The following TASP1 variants were observed in gnomAD, a reference collection of about 807,000 sequenced individuals.
TASP1 encodes threonine aspartase 1.
TASP1 carries 16 observed loss-of-function variants against 56.6 expected under a neutral mutation model. The observed-to-expected ratio is 0.28, with a 90% confidence interval of 0.19 to 0.43. TASP1 has a LOEUF of 0.43. Among genes scored for constraint, TASP1 ranks in the 20% least tolerant of loss-of-function variants. TASP1 has a pLI of 1.00. For synonymous variants in TASP1, 179 were observed against 184.2 expected (o/e 0.97, Z 0.23); for missense variants, 393 against 511.6 (o/e 0.77, Z 2.24).
At chr20:13,292,368 G>A in the TASP1 span, 3 of 1,584,966 alleles carry the variant, frequency 1.9e-6, no homozygotes, top group Non-Finnish European at 2.6e-6. Flanking sequence ...TCTTGTCTGT[G>A]TTTAGGAATT....
the TASP1 span, chr20:13,299,306 C>T: frequency 3.7e-6 from 6 of 1,613,620 alleles, no homozygotes; most frequent in Admixed American, 1.0e-4. The surrounding 1 kb of genome is among the most constrained non-coding windows in gnomAD (Gnocchi z 5.8). Context: ...CCGCGGAGCT[C>T]CACTACAAGG....
At chr20:13,149,692 T>C in the TASP1 span, among the ~76,000 whole-genome samples, 2 of 152,192 alleles carry the variant, frequency 1.3e-5, no homozygotes, top group African/African-American at 4.8e-5. Flanking sequence ...AAACATTTAG[T>C]TCTTAGGAGT....
At chr20:13,132,329 G>A in the TASP1 span, among the ~76,000 whole-genome samples, 17,269 of 151,340 alleles carry the variant, frequency 0.11, 1,100 homozygotes, top group East Asian at 0.2. Flanking sequence ...GGAACCCACC[G>A]CCACGCCCAG....
At chr20:13,496,859 A>C (rs906929296) in intron 10 of TASP1, among the ~76,000 whole-genome samples, 4 of 152,230 alleles carry the variant, frequency 2.6e-5, no homozygotes, top group Non-Finnish European at 5.9e-5. Flanking sequence ...GAAAATGCAC[A>C]AATATCTCAA....
chr20:13,347,454 T>C, the TASP1 span, among the ~76,000 whole-genome samples: 1 of 152,244 alleles, frequency 6.6e-6, no homozygotes, highest in African/African-American at 2.4e-5. Context: ...ACCACGTCTC[T>C]TCTTTCTGGT....
At chr20:13,366,128 T>A in the TASP1 span, among the ~76,000 whole-genome samples, 2 of 152,150 alleles carry the variant, frequency 1.3e-5, no homozygotes, top group African/African-American at 4.8e-5. Context: ...TTGGAATATG[T>A]TTTGGACATA....
At chr20:13,182,629 A>C in the TASP1 span, among the ~76,000 whole-genome samples, 1 of 152,150 alleles carries the variant, frequency 6.6e-6, no homozygotes, top group African/African-American at 2.4e-5. Flanking sequence ...CAATTGTTAA[A>C]CATGTAAAAT....
the TASP1 span, among the ~76,000 whole-genome samples, chr20:13,294,740 T>C: frequency 3.9e-5 from 6 of 152,154 alleles, no homozygotes; most frequent in Non-Finnish European, 7.3e-5. Flanking sequence ...AGCCACAGCC[T>C]ATCCCAGCTG....
chr20:13,254,265 T>C, the TASP1 span, among the ~76,000 whole-genome samples: 1 of 150,832 alleles, frequency 6.6e-6, no homozygotes, highest in East Asian at 1.9e-4. Context: ...AAAGCAAATG[T>C]GTATTTATAT....
intron 10 of TASP1, among the ~76,000 whole-genome samples, chr20:13,484,808 G>A (rs560756852): frequency 2.0e-5 from 3 of 151,298 alleles, no homozygotes; most frequent in African/African-American, 7.3e-5. Context: ...CCATAAAAAC[G>A]GATGAGTTCA....
At chr20:13,631,975 C>G (rs1401661116) in intron 1 of TASP1, among the ~76,000 whole-genome samples, 2 of 151,786 alleles carry the variant, frequency 1.3e-5, no homozygotes, top group African/African-American at 4.8e-5. Flanking sequence ...TTCCTTGAAC[C>G]CAGGAGGTGG....
chr20:13,413,614 G>A (rs567157799), intron 13 of TASP1, among the ~76,000 whole-genome samples: 1 of 152,130 alleles, frequency 6.6e-6, no homozygotes, highest in Non-Finnish European at 1.5e-5. Flanking sequence ...ATCCAATGCA[G>A]ACTTGGTTAT....
chr20:13,285,051 C>A, the TASP1 span, among the ~76,000 whole-genome samples: 1 of 152,188 alleles, frequency 6.6e-6, no homozygotes, highest in African/African-American at 2.4e-5. Context: ...CTTTGGGAGG[C>A]CAAGGCAGGA....
At chr20:13,239,727 A>C in the TASP1 span, 1 of 152,314 alleles carries the variant, frequency 6.6e-6, no homozygotes, top group Non-Finnish European at 1.5e-5. Flanking sequence ...AAATTCTAGA[A>C]TGTTGTTGTA....
At chr20:13,629,810 G>C (rs1190584055) in intron 2 of TASP1, 124 bp downstream of exon 2, 3 of 1,415,986 alleles carry the variant, frequency 2.1e-6, no homozygotes, top group Non-Finnish European at 2.9e-6. Context: ...CAATCGCTTT[G>C]CTTCCAATTC....
At chr20:13,427,329 G>C (rs2146131115) in intron 12 of TASP1, among the ~76,000 whole-genome samples, 1 of 152,238 alleles carries the variant, frequency 6.6e-6, no homozygotes, top group Non-Finnish European at 1.5e-5. Context: ...ACAAAACAAA[G>C]TACTCGATAA....
intron 11 of TASP1, among the ~76,000 whole-genome samples, chr20:13,447,709 T>C (rs566409864): frequency 5.4e-4 from 82 of 152,260 alleles, no homozygotes; most frequent in African/African-American, 1.9e-3. Context: ...TGCTTTCAGA[T>C]GTTTTATGTG....
chr20:13,133,618 C>T, the TASP1 span, among the ~76,000 whole-genome samples: 1 of 152,120 alleles, frequency 6.6e-6, no homozygotes, highest in African/African-American at 2.4e-5. Flanking sequence ...CCTGTAATCC[C>T]AGCTACTCTG....
chr20:13,521,922 C>T (rs1010520215), intron 10 of TASP1, among the ~76,000 whole-genome samples: 2 of 152,058 alleles, frequency 1.3e-5, no homozygotes, highest in African/African-American at 4.8e-5. Flanking sequence ...GAAGGAAGAA[C>T]TCCATGTTTA....
Sources: allele counts gnomAD v4.1 joint callset (sites outside exome capture counted in the v4.1 genomes callset), GRCh38; gene constraint gnomAD v4.1.1; non-coding constraint Gnocchi (gnomAD v3.1); transcripts MANE v1.5; gene names NCBI Gene and HGNC (gene_info 2026-07-23, HGNC 2026-07-21).